ZFYVE28: variants seen among roughly 807,000 people sequenced by gnomAD.
ZFYVE28 encodes the protein zinc finger FYVE-type containing 28.
Under a neutral mutation model 82.1 loss-of-function variants are expected in ZFYVE28, and 40 were observed. The ratio of observed to expected loss-of-function variants is 0.49; its 90% CI spans 0.38 to 0.63. ZFYVE28 has a LOEUF of 0.63. Among genes scored for constraint, ZFYVE28 ranks in the 30% least tolerant of loss-of-function variants. The probability of loss-of-function intolerance (pLI) is 0.00; values close to 1 mark genes in which losing one functional copy is unlikely to be tolerated. For synonymous variants in ZFYVE28, 612 were observed against 546.1 expected (o/e 1.12, Z -1.68); for missense variants, 1,321 against 1,242.1 (o/e 1.06, Z -0.96).
Position 2,320,207 on chromosome 4 carries a change from G to A in ZFYVE28, c.766C>T (p.Leu256=). Residue 256 remains leucine (L), a synonymous_variant, in exon 7 of 13, where the codon CTG becomes TTG. Coordinates refer to ENST00000290974, the MANE Select transcript of ZFYVE28 (RefSeq NM_020972.3). This position sits in a 1 kb window ranked among gnomAD's most constrained non-coding sequence, Gnocchi z 5.1. The stretch of plus-strand genomic sequence containing the variant: ...AGCAACGTGTGGAAGGGCCGGAACA[G>A]CTCGGACATGTCTTCCACCTTGCGG... ...LDRKVEDMSE[L]FRPFHTLLRK... 2 of 1,611,236 alleles carry A rather than the reference G, an allele frequency of 1.2e-6. No homozygotes were observed. The highest frequency in any genetic ancestry group is 1.7e-6 in the Non-Finnish European group (2 of 1,178,652).
At chr4:2,367,553 A>C (rs1237750541) in intron 1 of ZFYVE28, among the ~76,000 whole-genome samples, 1 of 152,260 alleles carries the variant, frequency 6.6e-6, no homozygotes, top group Non-Finnish European at 1.5e-5. Flanking sequence ...TTCAAAAATG[A>C]TTTGAGGTGA....
At chr4:2,354,284 G>T (rs909849466) in intron 1 of ZFYVE28, among the ~76,000 whole-genome samples, 2 of 151,954 alleles carry the variant, frequency 1.3e-5, no homozygotes, top group African/African-American at 4.8e-5. Flanking sequence ...CTGATTCAAG[G>T]GTCCCCAGGG....
chr4:2,376,960 G>A (rs996781288), intron 1 of ZFYVE28, among the ~76,000 whole-genome samples: 7 of 152,042 alleles, frequency 4.6e-5, no homozygotes, highest in African/African-American at 1.4e-4. Context: ...AAGTGTATAC[G>A]TGTTGCTTGC....
intron 1 of ZFYVE28, among the ~76,000 whole-genome samples, chr4:2,404,861 T>TTTTTC (rs1560349223): frequency 8.7e-5 from 12 of 137,566 alleles, no homozygotes; most frequent in Non-Finnish European, 1.3e-4. Flanking sequence ...CTCGCTCTTT[T>TTTTTC]TTTTTTTTTT....
At chr4:2,379,795 C>CA (rs1553860292) in intron 1 of ZFYVE28, among the ~76,000 whole-genome samples, 1 of 149,832 alleles carries the variant, frequency 6.7e-6, no homozygotes, top group Non-Finnish European at 1.5e-5. Flanking sequence ...AATTTTCACA[C>CA]TTTTTTTTTT....
chr4:2,280,692 G>A (rs1039412127), intron 8 of ZFYVE28, among the ~76,000 whole-genome samples: 8 of 152,194 alleles, frequency 5.3e-5, no homozygotes, highest in South Asian at 4.1e-4. Context: ...GTGATCAGAA[G>A]AGATGCCATT....
At chr4:2,314,971 TC>T (rs1717998264) in intron 7 of ZFYVE28, among the ~76,000 whole-genome samples, 1 of 152,112 alleles carries the variant, frequency 6.6e-6, no homozygotes, top group Non-Finnish European at 1.5e-5. Context: ...CTAGAGAGCC[TC>T]ACTATGTTGT....
At chr4:2,334,471 T>C (rs1366679242) in intron 6 of ZFYVE28, among the ~76,000 whole-genome samples, 1 of 151,856 alleles carries the variant, frequency 6.6e-6, no homozygotes, top group Non-Finnish European at 1.5e-5. Context: ...CTCCCACCTC[T>C]GCACCCCCAT....
Position 2,277,767 on chromosome 4 carries a change from G to C in ZFYVE28, c.2052-3551C>G, listed in dbSNP as rs138579308. On this transcript the variant is annotated intron_variant, in intron 8 of 12. Transcript: ENST00000290974. ...TTGAGACGGCATGACTCCCCAAATC[G>C]ATCTACAGATTCAATGCAATCCATA... 3.8e-3 allele frequency among the ~76,000 whole-genome samples: 582 copies of C among 152,214 alleles called. 4 individuals carry two copies. The highest frequency in any genetic ancestry group is 0.013 in the African/African-American group (553 of 41,498).
chr4:2,376,629 TGA>T (rs1316584212), intron 1 of ZFYVE28, among the ~76,000 whole-genome samples: 3 of 152,146 alleles, frequency 2.0e-5, no homozygotes, highest in African/African-American at 7.2e-5. Context: ...TCAGATCTCC[TGA>T]GAATTCACTC....
At chr4:2,337,679 C>G (rs1165461211) in intron 4 of ZFYVE28, among the ~76,000 whole-genome samples, 183 bp from the exon 5 acceptor site, 1 of 151,768 alleles carries the variant, frequency 6.6e-6, no homozygotes, top group African/African-American at 2.4e-5. Context: ...CCCAGGAGTT[C>G]GAGGCACCAC....
At position 2,304,661 on chromosome 4, in the gene ZFYVE28, A is replaced by C; in HGVS notation, c.1679T>G (p.Leu560Arg). The C allele has an allele frequency of 6.2e-7, 1 of 1,612,626 alleles. No homozygotes were observed. The highest frequency in any genetic ancestry group is 8.5e-7 in the Non-Finnish European group (1 of 1,179,888). Residue 560 changes from leucine to arginine, a missense_variant, in exon 8 of 13, where the codon CTT becomes CGT. By Grantham distance (102) the Leu-to-Arg change is moderately radical. Coordinates refer to ENST00000290974, the MANE Select transcript of ZFYVE28 (RefSeq NM_020972.3). ...HKLSTGATNC[L>R]LHSCVCCGSC... is the part of the protein sequence containing the mutation. Reference sequence around the variant, plus strand: ...CCCACAGCACACGCAGGAATGCAGAAGGCAGTTGGTGGCCCCAGTGCTAAG... The same window carrying C: ...CCCACAGCACACGCAGGAATGCAGACGGCAGTTGGTGGCCCCAGTGCTAAG...
intron 1 of ZFYVE28, among the ~76,000 whole-genome samples, chr4:2,402,392 AAG>A (rs1217718232): frequency 6.6e-6 from 1 of 152,202 alleles, no homozygotes; most frequent in Non-Finnish European, 1.5e-5. Flanking sequence ...AAGGTGCTGG[AAG>A]GCCATGTCCT....
chr4:2,298,720 C>A (rs962411249), intron 8 of ZFYVE28, among the ~76,000 whole-genome samples: 3 of 152,216 alleles, frequency 2.0e-5, no homozygotes, highest in African/African-American at 4.8e-5. Context: ...ACGGAGCAGG[C>A]CTGGCCTTGC....
At chr4:2,337,051 T>C (rs1028280816) in intron 5 of ZFYVE28, among the ~76,000 whole-genome samples, 1 of 135,700 alleles carries the variant, frequency 7.4e-6, no homozygotes, top group African/African-American at 2.8e-5. Context: ...AGGTGAGGAG[T>C]GAGGGGGTGA....
At position 2,332,696 on chromosome 4, in the gene ZFYVE28, A is replaced by G. The variant is rs1353442055; in HGVS notation, c.701+3009T>C. On this transcript the variant is annotated intron_variant, in intron 6 of 12. Coordinates refer to ENST00000290974, the MANE Select transcript of ZFYVE28 (RefSeq NM_020972.3). The surrounding 1 kb of genome is among the most constrained non-coding windows in gnomAD (Gnocchi z 4.7). The stretch of plus-strand genomic sequence containing the variant: ...GTCCGGCTCAAAGCGGTCGCTGTGG[A>G]TGACGAGGAACAAGACGGGATCCGC... Among the ~76,000 whole-genome samples, 1 of 152,166 alleles carries G rather than the reference A, an allele frequency of 6.6e-6. No individual in the cohort carries two copies. The highest frequency in any genetic ancestry group is 1.5e-5 in the Non-Finnish European group (1 of 68,008).
At position 2,394,935 on chromosome 4, in the gene ZFYVE28, CT is replaced by C. The variant is rs1489448254; in HGVS notation, c.39+23349del. 6.6e-6 allele frequency among the ~76,000 whole-genome samples: 1 copy of C among 152,260 alleles called. No homozygotes were observed. The highest frequency in any genetic ancestry group is 2.4e-5 in the African/African-American group (1 of 41,470). ...GTAAGGCCAGCCCTAATGATGCTCT[CT>C]CACTTCCCATTAAAAGTCCCACCAC... On this transcript the variant is annotated intron_variant, in intron 1 of 12. Coordinates refer to ENST00000290974, the MANE Select transcript of ZFYVE28 (RefSeq NM_020972.3). This position sits in a 1 kb window ranked among gnomAD's most constrained non-coding sequence, Gnocchi z 4.0.
At chr4:2,349,149 G>C (rs56072191) in intron 2 of ZFYVE28, among the ~76,000 whole-genome samples, 4,491 of 152,172 alleles carry the variant, frequency 0.03, 211 homozygotes, top group African/African-American at 0.095. Flanking sequence ...TGGTGAGAAG[G>C]CTGAATGTAT....
At position 2,416,023 on chromosome 4, in the gene ZFYVE28, A is replaced by G. The variant is rs1357229705; in HGVS notation, c.39+2262T>C. 1.3e-5 allele frequency among the ~76,000 whole-genome samples: 2 copies of G among 152,146 alleles called. No individual in the cohort carries two copies. Among genetic ancestry groups the G allele is most frequent in the African/African-American group, 4.8e-5 (2 of 41,428 alleles). ...AGGAGAAGACAACGAGAAAAAGGAGAGATCCACATCAATCCTGTTCCATCC... is the reference window on the plus strand; with the variant it reads ...AGGAGAAGACAACGAGAAAAAGGAGGGATCCACATCAATCCTGTTCCATCC... On this transcript the variant is annotated intron_variant, in intron 1 of 12. Transcript: ENST00000290974. The surrounding 1 kb of genome is among the most constrained non-coding windows in gnomAD (Gnocchi z 4.6).
Sources: gnomAD v4.1 joint callset for allele counts (sites outside exome capture counted in the v4.1 genomes callset) on GRCh38, gnomAD v4.1.1 for gene constraint, Gnocchi (gnomAD v3.1) non-coding constraint, MANE v1.5 for transcripts, NCBI Gene and HGNC (gene_info 2026-07-23, HGNC 2026-07-21) for gene names.